Variants in BICD1 observed in about 807,000 individuals in gnomAD.
BICD1 encodes BICD cargo adaptor 1.
BICD1 carries 35 observed loss-of-function variants against 92.5 expected under a neutral mutation model. The ratio of observed to expected loss-of-function variants is 0.38; its 90% confidence interval spans 0.29 to 0.50. The LOEUF (loss-of-function observed/expected upper bound fraction) is 0.50, where lower values mean the gene tolerates loss of function less well. Ranked by LOEUF, BICD1 falls within the 20% of genes least tolerant of loss-of-function variation. The pLI is 0.93. For missense variants in BICD1, 950 were observed against 1,189.8 expected (o/e 0.80, Z 2.97); for synonymous variants, 429 against 465.1 (o/e 0.92, Z 1.00).
intron 8 of BICD1, among the ~76,000 whole-genome samples, chr12:32,343,504 T>G (rs928796169): frequency 6.6e-6 from 1 of 152,176 alleles, no homozygotes; most frequent in Non-Finnish European, 1.5e-5. Context: ...ACATGATAAA[T>G]AGGAAATGGC....
intron 1 of BICD1, among the ~76,000 whole-genome samples, chr12:32,121,475 C>T (rs1025354240): frequency 2.0e-5 from 3 of 151,772 alleles, no homozygotes; most frequent in Non-Finnish European, 2.9e-5. Context: ...TGTCTGTAAT[C>T]CCAGCTACTT....
chr12:32,256,574 T>A (rs1397827495), intron 2 of BICD1, among the ~76,000 whole-genome samples: 5 of 152,202 alleles, frequency 3.3e-5, no homozygotes, highest in African/African-American at 1.2e-4. Context: ...TAAAGAAAAG[T>A]TTTTTTATTT....
chr12:32,248,812 C>CT (rs1472705988), intron 2 of BICD1, among the ~76,000 whole-genome samples: 2 of 152,134 alleles, frequency 1.3e-5, no homozygotes, highest in Admixed American at 6.5e-5. Flanking sequence ...AGAGGGGGGT[C>CT]TGGAAAAGCA....
chr12:32,167,078 A>G (rs1209381925), intron 1 of BICD1, among the ~76,000 whole-genome samples: 5 of 152,222 alleles, frequency 3.3e-5, no homozygotes, highest in African/African-American at 1.2e-4. Context: ...TGCCTTTATA[A>G]TAACATAATT....
At chr12:32,258,702 G>A (rs1946780281) in intron 2 of BICD1, among the ~76,000 whole-genome samples, 1 of 152,176 alleles carries the variant, frequency 6.6e-6, no homozygotes, top group Non-Finnish European at 1.5e-5. Flanking sequence ...CTTATAGGTA[G>A]CTGAAGCAGA....
intron 1 of BICD1, among the ~76,000 whole-genome samples, chr12:32,184,040 C>T (rs1329045845): frequency 6.6e-6 from 1 of 152,172 alleles, no homozygotes; most frequent in Non-Finnish European, 1.5e-5. Context: ...TCTTTGAAAG[C>T]CTCTCAAACA....
intron 2 of BICD1, among the ~76,000 whole-genome samples, chr12:32,259,084 ATG>A (rs755914801): frequency 1.3e-4 from 20 of 152,166 alleles, no homozygotes; most frequent in Admixed American, 2.0e-4. Context: ...AGTGGCCCTT[ATG>A]TGGGCGTAAG....
Position 32,236,872 on chromosome 12 carries a change from C to CTT in BICD1, c.426+20436_426+20437dup, listed in dbSNP as rs57318640. Among the ~76,000 whole-genome samples, 444 of 89,280 alleles carry CTT rather than the reference C, an allele frequency of 5.0e-3. 10 individuals are homozygous for CTT. Among genetic ancestry groups the CTT allele is most frequent in the East Asian group, 0.019 (51 of 2,640 alleles). The allele number at this position is 89,280 out of a possible 152,430, so 58.6% of individuals were successfully genotyped here. A position where few individuals can be genotyped will look rare whatever the true frequency, so the allele number is the denominator to read the frequency against. On this transcript the variant is annotated intron_variant, in intron 2 of 9. Coordinates refer to ENST00000652176, the MANE Select transcript of BICD1 (RefSeq NM_001714.4). ...CATTCCTTTAAGCCAAAGTCTAATT[C>CTT]TTTTTTTTTTTTTTTTTTTTTTTTC...
At chr12:32,142,117 T>C (rs1200952485) in intron 1 of BICD1, among the ~76,000 whole-genome samples, 1 of 151,996 alleles carries the variant, frequency 6.6e-6, no homozygotes, top group Admixed American at 6.6e-5. Context: ...CATAAAAGTT[T>C]ATTGACAGCC....
chr12:32,364,907 C>G (rs325433), intron 8 of BICD1, among the ~76,000 whole-genome samples: 14,199 of 151,852 alleles, frequency 0.094, 763 homozygotes, highest in Middle Eastern at 0.14. Flanking sequence ...GCTATGATAG[C>G]CACCTAGGCA....
chr12:32,291,696 G>C (rs186889504), intron 2 of BICD1, among the ~76,000 whole-genome samples: 1 of 151,958 alleles, frequency 6.6e-6, no homozygotes, highest in East Asian at 1.9e-4. Context: ...AAATGAGCCA[G>C]TTGTGCTGGT....
chr12:32,298,871 A>C (rs1223735553), intron 3 of BICD1, among the ~76,000 whole-genome samples: 7 of 107,642 alleles, frequency 6.5e-5, no homozygotes, highest in African/African-American at 1.3e-4. Context: ...ACTCCATCTC[A>C]AAAAAAAAAA....
At chr12:32,256,943 A>G (rs1946735643) in intron 2 of BICD1, among the ~76,000 whole-genome samples, 1 of 152,160 alleles carries the variant, frequency 6.6e-6, no homozygotes, top group African/African-American at 2.4e-5. Context: ...GGCTGGGTGT[A>G]GTGGCTCACG....
At chr12:32,170,436 T>C (rs1478316511) in intron 1 of BICD1, among the ~76,000 whole-genome samples, 3 of 152,246 alleles carry the variant, frequency 2.0e-5, no homozygotes, top group Non-Finnish European at 4.4e-5. Flanking sequence ...GCCTAAACAT[T>C]ACTTATATAA....
At chr12:32,135,381 C>A (rs1346824011) in intron 1 of BICD1, among the ~76,000 whole-genome samples, 1 of 132,120 alleles carries the variant, frequency 7.6e-6, no homozygotes, top group African/African-American at 2.9e-5. Flanking sequence ...AGCCACCATG[C>A]GTGGCTTTTT....
At chr12:32,108,731 T>C (rs1273914426) in intron 1 of BICD1, 1 of 658,400 alleles carries the variant, frequency 1.5e-6, no homozygotes, top group Admixed American at 2.3e-5. Context: ...TTTAGATATG[T>C]CTTATTTTTA....
At chr12:32,287,656 C>A (rs1473165029) in intron 2 of BICD1, among the ~76,000 whole-genome samples, 1 of 152,008 alleles carries the variant, frequency 6.6e-6, no homozygotes, top group Non-Finnish European at 1.5e-5. Context: ...CCTGCCTCAG[C>A]CTCCCAAGTA....
chr12:32,282,504 A>T (rs1947445585), intron 2 of BICD1, among the ~76,000 whole-genome samples: 1 of 152,086 alleles, frequency 6.6e-6, no homozygotes, highest in South Asian at 2.1e-4. Context: ...TGGGAGAAGG[A>T]TACTTCCTGA....
At chr12:32,133,997 G>A (rs1219673401) in intron 1 of BICD1, among the ~76,000 whole-genome samples, 1 of 152,044 alleles carries the variant, frequency 6.6e-6, no homozygotes, top group Non-Finnish European at 1.5e-5. Context: ...TGGCCAGGAT[G>A]GTCTTGATCT....
Sources: allele counts gnomAD v4.1 joint callset (sites outside exome capture counted in the v4.1 genomes callset), GRCh38; gene constraint gnomAD v4.1.1; transcripts MANE v1.5; gene names NCBI Gene and HGNC (gene_info 2026-07-23, HGNC 2026-07-21).